Variants in SEMA6D observed in about 807,000 individuals in gnomAD.
The protein encoded by SEMA6D is semaphorin 6D.
Under a neutral mutation model 106.6 loss-of-function variants are expected in SEMA6D, and 35 were observed. The ratio of observed to expected loss-of-function variants is 0.33; its 90% CI spans 0.25 to 0.44. SEMA6D has a LOEUF of 0.44. Ranked by LOEUF, SEMA6D falls within the 20% of genes least tolerant of loss-of-function variation. The pLI is 1.00. For synonymous variants in SEMA6D, 499 were observed against 487.7 expected, an observed-to-expected ratio of 1.02 and a Z score of -0.31; for missense variants, 1,185 against 1,345.9, an observed-to-expected ratio of 0.88 and a Z score of 1.87.
chr15:47,290,831 C>T (rs1028015235), intron 1 of SEMA6D, among the ~76,000 whole-genome samples: 51 of 152,150 alleles, frequency 3.4e-4, no homozygotes, highest in Non-Finnish European at 2.8e-4. Context: ...CTTAACCATT[C>T]GCATGGGTGC....
At chr15:47,679,942 C>T (rs1479682077) in intron 4 of SEMA6D, among the ~76,000 whole-genome samples, 2 of 152,098 alleles carry the variant, frequency 1.3e-5, no homozygotes, top group African/African-American at 4.8e-5. Context: ...AAAAGTGGGC[C>T]TCAAAGCACC....
Position 47,334,791 on chromosome 15 carries a change from C to A in SEMA6D, c.-238-77602C>A, listed in dbSNP as rs771922438. Among the ~76,000 whole-genome samples, 8 of 152,138 alleles carry A rather than the reference C, an allele frequency of 5.3e-5. 1 individual carries two copies. Among genetic ancestry groups the A allele is most frequent in the Non-Finnish European group, 7.3e-5 (5 of 68,036 alleles). On this transcript the variant is annotated intron_variant, in intron 1 of 19. Coordinates refer to the SEMA6D transcript ENST00000558014. ...TACAAAACTGTAGTTACACTCCATT[C>A]CATTACTAAAGGTAAAAGTTACCAG...
intron 1 of SEMA6D, chr15:47,241,203 A>G (rs2032885168): frequency 6.6e-6 from 1 of 152,192 alleles, no homozygotes. Context: ...GTATTTTCCC[A>G]CTTACTATTC....
chr15:47,689,911 G>A (rs915763081), intron 4 of SEMA6D, among the ~76,000 whole-genome samples: 2 of 152,190 alleles, frequency 1.3e-5, no homozygotes, highest in African/African-American at 2.4e-5. Context: ...CCTATTCACA[G>A]CTCCTCAGGG....
chr15:47,688,261 T>C (rs2078512066), intron 4 of SEMA6D, among the ~76,000 whole-genome samples: 1 of 152,134 alleles, frequency 6.6e-6, no homozygotes, highest in African/African-American at 2.4e-5. Context: ...TTGAAGCTGA[T>C]CAGGTCATGC....
chr15:47,488,377 G>T (rs1288420683), intron 3 of SEMA6D, among the ~76,000 whole-genome samples: 1 of 151,670 alleles, frequency 6.6e-6, no homozygotes, highest in Non-Finnish European at 1.5e-5. Flanking sequence ...ATTAATATAT[G>T]TAGAGTTATG....
At position 47,603,654 on chromosome 15, in the gene SEMA6D, C is replaced by T. The variant is rs553003329; in HGVS notation, c.-55+2758C>T. 2.0e-5 allele frequency among the ~76,000 whole-genome samples: 3 copies of T among 152,082 alleles called. No homozygotes were observed. The South Asian group carries it at 6.2e-4, about 32-fold the overall frequency. On this transcript the variant is annotated intron_variant, in intron 4 of 19. Transcript: ENST00000558014. ...AGTTACAAATGTGCGAAAAGTCCCTCGTAATTTATAAATTCCATACAAATT... is the reference window on the plus strand; with the variant it reads ...AGTTACAAATGTGCGAAAAGTCCCTTGTAATTTATAAATTCCATACAAATT...
intron 18 of SEMA6D, among the ~76,000 whole-genome samples, chr15:47,769,200 G>A (rs2082502332): frequency 1.3e-5 from 2 of 152,176 alleles, no homozygotes; most frequent in African/African-American, 4.8e-5. Flanking sequence ...TTGCTTGAAT[G>A]CCACAAGCAA....
chr15:47,460,265 C>G (rs1012059616), intron 2 of SEMA6D, among the ~76,000 whole-genome samples: 2 of 152,072 alleles, frequency 1.3e-5, no homozygotes, highest in Non-Finnish European at 2.9e-5. Flanking sequence ...CTCATTACTG[C>G]TTATCAGAAA....
intron 1 of SEMA6D, among the ~76,000 whole-genome samples, chr15:47,385,991 A>G (rs1044982165): frequency 6.6e-6 from 1 of 152,238 alleles, no homozygotes; most frequent in African/African-American, 2.4e-5. Flanking sequence ...TCTGGGCTTT[A>G]ATTTTCTTCT....
chr15:47,621,610 G>A (rs1476825165), intron 4 of SEMA6D, among the ~76,000 whole-genome samples: 1 of 152,038 alleles, frequency 6.6e-6, no homozygotes, highest in Non-Finnish European at 1.5e-5. Context: ...GCAAGCTCCT[G>A]AATCCCTCTG....
intron 4 of SEMA6D, among the ~76,000 whole-genome samples, chr15:47,620,762 T>G (rs984706996): frequency 8.8e-5 from 13 of 148,116 alleles, no homozygotes; most frequent in African/African-American, 1.5e-4. Flanking sequence ...TGAGTGTGGG[T>G]TTTTTTTAAC....
intron 3 of SEMA6D, among the ~76,000 whole-genome samples, chr15:47,494,020 C>T (rs954237987): frequency 3.9e-5 from 6 of 152,142 alleles, no homozygotes; most frequent in African/African-American, 1.4e-4. Flanking sequence ...TGATATTATG[C>T]ATATGTGTCA....
intron 4 of SEMA6D, among the ~76,000 whole-genome samples, chr15:47,710,533 G>T (rs984589741): frequency 1.3e-5 from 2 of 152,042 alleles, no homozygotes; most frequent in African/African-American, 4.8e-5. Flanking sequence ...TTTTATTATA[G>T]CAAAAGAATT....
intron 1 of SEMA6D, among the ~76,000 whole-genome samples, chr15:47,721,593 G>A (rs922652910): frequency 1.1e-4 from 16 of 152,194 alleles, no homozygotes; most frequent in African/African-American, 3.9e-4. Context: ...GTCAGGTGGA[G>A]TTTTCCTCCT....
intron 1 of SEMA6D, among the ~76,000 whole-genome samples, chr15:47,752,757 C>T (rs2081511749): frequency 6.6e-6 from 1 of 151,962 alleles, no homozygotes; most frequent in Admixed American, 6.6e-5. Flanking sequence ...GCCTGTAATC[C>T]CAGCATTTAG....
intron 1 of SEMA6D, among the ~76,000 whole-genome samples, chr15:47,351,849 T>C (rs957069692): frequency 1.3e-5 from 2 of 152,198 alleles, no homozygotes; most frequent in African/African-American, 4.8e-5. Context: ...ATAGCTCTGA[T>C]ATGGAAGATT....
chr15:47,339,220 G>A (rs1457105896), intron 1 of SEMA6D: 6 of 152,160 alleles, frequency 3.9e-5, no homozygotes, highest in African/African-American at 1.4e-4. Flanking sequence ...TCCACTAAAT[G>A]TAAGTGTTTC....
chr15:47,463,480 G>A (rs1001399767), intron 2 of SEMA6D, among the ~76,000 whole-genome samples: 5 of 152,102 alleles, frequency 3.3e-5, no homozygotes, highest in African/African-American at 7.2e-5. Context: ...AGGCTCAAAC[G>A]CCAAAGTTTC....
Sources: gnomAD v4.1 joint callset for allele counts (sites outside exome capture counted in the v4.1 genomes callset) on GRCh38, gnomAD v4.1.1 for gene constraint, MANE v1.5 for transcripts, NCBI Gene and HGNC (gene_info 2026-07-23, HGNC 2026-07-21) for gene names.